PIGW: variants seen among roughly 807,000 people sequenced by gnomAD.
The protein encoded by PIGW is glucosaminyl-phosphatidylinositol-acyltransferase PIGW.
In PIGW, 23 loss-of-function variants were observed where a neutral mutation model predicts 34.0. The observed-to-expected ratio is 0.68, with a 90% confidence interval of 0.49 to 0.96. The LOEUF (loss-of-function observed/expected upper bound fraction) is 0.96, where lower values mean the gene tolerates loss of function less well. Among genes scored for constraint, PIGW ranks in the 40% least tolerant of loss-of-function variants. The pLI is 0.00. For missense variants in PIGW, 574 were observed against 586.3 expected, an observed-to-expected ratio of 0.98 and a Z score of 0.22; for synonymous variants, 225 against 225.2, an observed-to-expected ratio of 1.00 and a Z score of 0.01.
In PIGW at chr17:36,537,446, A is replaced by T; in HGVS notation, c.345A>T (p.Lys115Asn). The change falls in exon 2 of 2, where the codon AAA becomes AAT. Residue 115 changes from lysine to asparagine, a missense_variant. Transcript: ENST00000614443. ...ARLPFLKILE[K>N]FLNISLESEY... is the part of the protein sequence containing the mutation. ...TGCCTTTCCTAAAAATCCTTGAAAA[A>T]TTCTTGAACATCAGTCTAGAATCAG... is the stretch of plus-strand genomic sequence containing the variant. 1 of 1,614,168 alleles carries T rather than the reference A, an allele frequency of 6.2e-7. No homozygotes were observed. Among genetic ancestry groups the T allele is most frequent in the Non-Finnish European group, 8.5e-7 (1 of 1,180,032 alleles).
chr17:36,536,985 C>T (rs1567808004), intron 1 of PIGW, 109 bp from the exon 2 acceptor site: 1 of 960,934 alleles, frequency 1.0e-6, no homozygotes, highest in African/African-American at 1.7e-5. Flanking sequence ...CATTAGGGCC[C>T]AAAGTTCTGC....
rs1165950778 is a variant in PIGW, at chr17:36,537,950, G to A, written c.849G>A (p.Arg283=). 2 of 1,614,032 alleles carry A rather than the reference G, an allele frequency of 1.2e-6. No homozygotes were observed. The highest frequency in any genetic ancestry group is 1.3e-5 in the African/African-American group (1 of 75,022). ...QLALDFTSLK[R]LILYGTDGSG... is the part of the protein sequence containing the mutation. ...CCCTTGACTTTACCTCACTGAAGAG[G>A]TTAATATTATATGGCACTGATGGTA... Residue 283 remains arginine, a synonymous_variant, in exon 2 of 2, where the codon AGG becomes AGA. Coordinates refer to ENST00000614443, the MANE Select transcript of PIGW (RefSeq NM_001346754.2).
chr17:36,536,942 C>T (rs921899572), intron 1 of PIGW, among the ~76,000 whole-genome samples, 152 bp from the exon 2 acceptor site: 3 of 152,154 alleles, frequency 2.0e-5, no homozygotes, highest in South Asian at 4.1e-4. Context: ...TCCCACAATC[C>T]TTGGAAGGGG....
rs35139532 is a variant in PIGW, at chr17:36,537,869, T to C, written c.768T>C (p.Phe256=). ...KLITPLLLII[F]PLNKSWIIAL... is the part of the protein sequence containing the mutation. ...TAACACCACTGCTGTTGATTATTTT[T>C]CCCCTAAATAAGTCCTGGATTATTG... The change falls in exon 2 of 2, where the codon TTT becomes TTC. Residue 256 remains phenylalanine, a synonymous_variant. Transcript: ENST00000614443. The C allele has an allele frequency of 1.9e-6, 3 of 1,614,012 alleles. No individual in the cohort carries two copies. The highest frequency in any genetic ancestry group is 2.5e-6 in the Non-Finnish European group (3 of 1,180,024).
rs937073514 is a variant in PIGW, at chr17:36,535,396, G to A, written c.-205G>A. 6.6e-6 allele frequency: 1 copy of A among 152,288 alleles called. No individual in the cohort carries two copies. Among genetic ancestry groups the A allele is most frequent in the African/African-American group, 2.4e-5 (1 of 41,474 alleles). 9.4% of individuals were successfully genotyped at this position (152,288 alleles called of 1,614,324 possible). ...GACATGACAGGAGTGGGTAGCCCAC[G>A]GGACACTGGCACGAGCGCCATGATG... is the stretch of plus-strand genomic sequence containing the variant. On this transcript the variant is annotated 5_prime_UTR_variant, in exon 1 of 2. Transcript: ENST00000614443.
At chr17:36,536,452 C>T (rs2074125260) in intron 1 of PIGW, among the ~76,000 whole-genome samples, 2 of 152,102 alleles carry the variant, frequency 1.3e-5, no homozygotes, top group South Asian at 4.1e-4. Context: ...ATAGAAATTC[C>T]CATCTGCCTA....
rs2142620135 is a variant in PIGW at position 36,538,142 on chromosome 17, T to C, written c.1041T>C (p.Ala347=). The change falls in exon 2 of 2, where the codon GCT becomes GCC. Residue 347 remains alanine, a synonymous_variant. Coordinates refer to ENST00000614443, the MANE Select transcript of PIGW (RefSeq NM_001346754.2). ...IKVACFLLLA[A]ISLFISLYVV... is the part of the protein sequence containing the mutation. ...TAGCCTGTTTTCTTTTACTGGCAGC[T>C]ATTAGCCTCTTCATATCTCTTTACG... 6.2e-7 allele frequency: 1 copy of C among 1,614,168 alleles called. No homozygotes were observed.
In PIGW at chr17:36,535,530, C is replaced by A. The variant is rs531477296; in HGVS notation, c.-71C>A. On this transcript the variant is annotated 5_prime_UTR_variant, in exon 1 of 2. Coordinates refer to ENST00000614443, the MANE Select transcript of PIGW (RefSeq NM_001346754.2). ...TGGTTCCCGCGTGGTTTGGCGGGTG[C>A]AGCGGCAGTCCGGCTGCCCTTCCCA... 6.6e-6 allele frequency: 1 copy of A among 152,246 alleles called. No individual in the cohort carries two copies. The highest frequency in any genetic ancestry group is 2.1e-4 in the South Asian group (1 of 4,838). The allele number at this position is 152,246 out of a possible 1,614,324, so 9.4% of individuals were successfully genotyped here.
At position 36,538,744 on chromosome 17, in the gene PIGW, G is replaced by C. The variant is rs1446099012; in HGVS notation, c.*128G>C. On this transcript the variant is annotated 3_prime_UTR_variant, in exon 2 of 2. Transcript: ENST00000614443. ...TAAAATAGTTTCAGTCATCTAAACA[G>C]CAGTGATGCTTAATTATTTTTTTTT... 4 of 798,042 alleles carry C rather than the reference G, an allele frequency of 5.0e-6. No homozygotes were observed. The Admixed American group carries it at 1.3e-4, about 26-fold the overall frequency. The allele number at this position is 798,042 out of a possible 1,614,324, so 49.4% of individuals were successfully genotyped here. A position where few individuals can be genotyped will look rare whatever the true frequency, so the allele number is the denominator to read the frequency against.
rs761022098 is a variant in PIGW at position 36,538,639 on chromosome 17, G to A, written c.*23G>A. On this transcript the variant is annotated 3_prime_UTR_variant, in exon 2 of 2. Transcript: ENST00000614443. ...TGATCAGCAGGAGTAGGATATATAAGTATTTGGGCAATATTTAATGAGGAA... is the reference window on the plus strand; with the variant it reads ...TGATCAGCAGGAGTAGGATATATAAATATTTGGGCAATATTTAATGAGGAA... 2 of 1,497,660 alleles carry A rather than the reference G, an allele frequency of 1.3e-6. No individual in the cohort carries two copies. Among genetic ancestry groups the A allele is most frequent in the Non-Finnish European group, 1.8e-6 (2 of 1,100,448 alleles). The allele number at this position is 1,497,660 out of a possible 1,614,324, so 92.8% of individuals were successfully genotyped here. A position where few individuals can be genotyped will look rare whatever the true frequency, so the allele number is the denominator to read the frequency against.
At chr17:36,536,113 G>A (rs1444284182) in intron 1 of PIGW, among the ~76,000 whole-genome samples, 1 of 152,170 alleles carries the variant, frequency 6.6e-6, no homozygotes, top group Non-Finnish European at 1.5e-5. Flanking sequence ...GTGGCATTCA[G>A]AGGTGTTTTA....
Position 36,537,106 on chromosome 17 carries a change from C to T in PIGW, c.5C>T (p.Ser2Phe). The T allele has an allele frequency of 6.3e-7, 1 of 1,583,602 alleles. No homozygotes were observed. The highest frequency in any genetic ancestry group is 8.6e-7 in the Non-Finnish European group (1 of 1,166,786). M[S>F]EKQMKEAFVS... The stretch of plus-strand genomic sequence containing the variant: ...CTTGTTTTCACAGGAAGAAAAATGT[C>T]TGAAAAGCAGATGAAGGAAGCTTTT... The change falls in exon 2 of 2, where the codon TCT (serine) becomes TTT (phenylalanine). Residue 2 changes from serine (S) to phenylalanine (F), a missense_variant. Physicochemically the swap from Ser to Phe is radical, Grantham distance 155. Transcript: ENST00000614443.
rs2074180460 is a variant in PIGW, at chr17:36,539,025, G to A, written c.*409G>A. The A allele has an allele frequency of 5.8e-6, 1 of 172,618 alleles. No homozygotes were observed. The highest frequency in any genetic ancestry group is 6.3e-5 in the Admixed American group (1 of 15,962). 10.7% of individuals were successfully genotyped at this position (172,618 alleles called of 1,614,324 possible). On this transcript the variant is annotated 3_prime_UTR_variant, in exon 2 of 2. Transcript: ENST00000614443. ...CCACCTTGGCCTCCCAAAGTGCTGG[G>A]ATTACAGGTGTGAGCCACCACACTG...
At position 36,538,635 on chromosome 17, in the gene PIGW, ATAAG is replaced by A; in HGVS notation, c.*22_*25del. 6.5e-7 allele frequency: 1 copy of A among 1,526,882 alleles called. No homozygotes were observed. Among genetic ancestry groups the A allele is most frequent in the Non-Finnish European group, 8.9e-7 (1 of 1,122,278 alleles). 94.6% of individuals were successfully genotyped at this position (1,526,882 alleles called of 1,614,324 possible). ...TTGGTGATCAGCAGGAGTAGGATAT[ATAAG>A]TATTTGGGCAATATTTAATGAGGAA... is the stretch of plus-strand genomic sequence containing the variant. On this transcript the variant is annotated 3_prime_UTR_variant, in exon 2 of 2. Transcript: ENST00000614443.
At position 36,538,320 on chromosome 17, in the gene PIGW, G is replaced by C; in HGVS notation, c.1219G>C (p.Val407Leu). The C allele has an allele frequency of 6.2e-7, 1 of 1,613,988 alleles. No individual in the cohort carries two copies. Among genetic ancestry groups the C allele is most frequent in the Middle Eastern group, 1.6e-4 (1 of 6,062 alleles). ...FAKFLIKGAL[V>L]PCSWKLIQSP... The stretch of plus-strand genomic sequence containing the variant: ...CAAATTTCTAATTAAAGGAGCTCTA[G>C]TACCATGTTCTTGGAAACTTATCCA... Residue 407 changes from valine (V) to leucine (L), a missense_variant, in exon 2 of 2, where the codon GTA (valine) becomes CTA (leucine). Physicochemically the swap from Val to Leu is conservative, Grantham distance 32 (BLOSUM62 1). Coordinates refer to ENST00000614443, the MANE Select transcript of PIGW (RefSeq NM_001346754.2).
Position 36,538,547 on chromosome 17 carries a change from C to G in PIGW, c.1446C>G (p.Leu482=), listed in dbSNP as rs2074175324. The change falls in exon 2 of 2, where the codon CTC becomes CTG. Residue 482 remains leucine, a synonymous_variant. Transcript: ENST00000614443. ...TGTGGGCCTTATTTGTGGTCAATCT[C>G]TATATGTTTTCCAACTGTTTAATTG... ...STLWALFVVN[L]YMFSNCLIVY... The G allele has an allele frequency of 1.2e-6, 2 of 1,613,736 alleles. No individual in the cohort carries two copies. The highest frequency in any genetic ancestry group is 8.5e-7 in the Non-Finnish European group (1 of 1,179,694).
In PIGW at chr17:36,537,372, G is replaced by A; in HGVS notation, c.271G>A (p.Ala91Thr). The change falls in exon 2 of 2, where the codon GCA (alanine) becomes ACA (threonine). Residue 91 changes from alanine (A) to threonine (T), a missense_variant. Physicochemically the swap from Ala to Thr is moderately conservative, Grantham distance 58. Coordinates refer to ENST00000614443, the MANE Select transcript of PIGW (RefSeq NM_001346754.2). ...LELLGVIIFG[A>T]GLLYQIYRRR... ...GCTTCTCGGTGTAATTATCTTTGGG[G>A]CAGGGCTGTTGTATCAAATATACCG... is the stretch of plus-strand genomic sequence containing the variant. The A allele has an allele frequency of 1.2e-6, 2 of 1,613,628 alleles. No individual in the cohort carries two copies. The highest frequency in any genetic ancestry group is 8.5e-7 in the Non-Finnish European group (1 of 1,179,994).
chr17:36,536,524 CTTTTTTTTTT>C (rs10715370), intron 1 of PIGW, among the ~76,000 whole-genome samples: 1 of 125,540 alleles, frequency 8.0e-6, no homozygotes, highest in Admixed American at 9.0e-5. Flanking sequence ...TTTTCTTTTC[CTTTTTTTTTT>C]TTTTTTTTTG....
At chr17:36,536,617 C>T (rs997752770) in intron 1 of PIGW, among the ~76,000 whole-genome samples, 1 of 148,720 alleles carries the variant, frequency 6.7e-6, no homozygotes, top group African/African-American at 2.4e-5. Context: ...CCGGTTCAAC[C>T]GATTCTCCTG....
Sources: allele counts gnomAD v4.1 joint callset (sites outside exome capture counted in the v4.1 genomes callset), GRCh38; gene constraint gnomAD v4.1.1; transcripts MANE v1.5; gene names NCBI Gene and HGNC (gene_info 2026-07-23, HGNC 2026-07-21).